CTNNA3: variants seen among roughly 807,000 people sequenced by gnomAD.
CTNNA3 encodes catenin alpha 3, also known as catenin alpha-3.
A neutral mutation model predicts 95.7 loss-of-function variants in CTNNA3; 76 were observed. That is an observed-to-expected ratio of 0.79 (90% confidence interval 0.66 to 0.96). The LOEUF is 0.96. Among genes scored for constraint, CTNNA3 ranks in the 40% least tolerant of loss-of-function variants. The pLI is 0.00. For synonymous variants in CTNNA3, 431 were observed against 374.4 expected, an observed-to-expected ratio of 1.15 and a Z score of -1.74; for missense variants, 1,191 against 1,089.8, an observed-to-expected ratio of 1.09 and a Z score of -1.31.
intron 11 of CTNNA3, among the ~76,000 whole-genome samples, chr10:66,431,153 C>G (rs1589239753): frequency 6.6e-6 from 1 of 152,092 alleles, no homozygotes. Flanking sequence ...AAATGCTCAT[C>G]ATCACTGGCC....
At chr10:67,466,545 A>G (rs972259634) in intron 5 of CTNNA3, among the ~76,000 whole-genome samples, 1 of 152,206 alleles carries the variant, frequency 6.6e-6, no homozygotes, top group Non-Finnish European at 1.5e-5. Flanking sequence ...TCTCCCTAGG[A>G]AGAATTTCAG....
chr10:67,479,362 TC>T (rs2133047878), intron 5 of CTNNA3, among the ~76,000 whole-genome samples: 1 of 152,108 alleles, frequency 6.6e-6, no homozygotes, highest in East Asian at 1.9e-4. Flanking sequence ...ATAAATCAAG[TC>T]TCAATAAGTT....
chr10:66,996,356 C>T (rs970547749), intron 7 of CTNNA3, among the ~76,000 whole-genome samples: 1 of 151,970 alleles, frequency 6.6e-6, no homozygotes, highest in Non-Finnish European at 1.5e-5. Flanking sequence ...TTTAATAATG[C>T]ATGTTTGGGC....
chr10:66,625,113 A>C (rs1174760477), intron 9 of CTNNA3, among the ~76,000 whole-genome samples: 1 of 152,194 alleles, frequency 6.6e-6, no homozygotes. Flanking sequence ...TTAAAAACAA[A>C]CAAGAAGTCT....
intron 7 of CTNNA3, among the ~76,000 whole-genome samples, chr10:67,169,616 T>C (rs1338478459): frequency 6.6e-6 from 1 of 152,068 alleles, no homozygotes; most frequent in Non-Finnish European, 1.5e-5. Flanking sequence ...TTACACCATA[T>C]ACAAAAATCA....
At chr10:66,443,949 C>T (rs558208906) in intron 11 of CTNNA3, among the ~76,000 whole-genome samples, 3 of 152,110 alleles carry the variant, frequency 2.0e-5, no homozygotes, top group South Asian at 4.1e-4. Context: ...GAATGGATAA[C>T]TAGAATAACC....
At chr10:66,727,869 T>C (rs1424557441) in intron 9 of CTNNA3, among the ~76,000 whole-genome samples, 2 of 152,180 alleles carry the variant, frequency 1.3e-5, no homozygotes, top group East Asian at 1.9e-4. Context: ...TAAGGTTTTA[T>C]ACACAAATGT....
intron 8 of CTNNA3, among the ~76,000 whole-genome samples, chr10:66,775,126 T>C (rs915235013): frequency 5.9e-5 from 9 of 152,154 alleles, no homozygotes; most frequent in Non-Finnish European, 1.2e-4. Flanking sequence ...CCCTATTGCA[T>C]ATTATTAATT....
chr10:66,546,384 CATAATAATA>C (rs1842035681), intron 10 of CTNNA3, among the ~76,000 whole-genome samples: 1 of 152,090 alleles, frequency 6.6e-6, no homozygotes, highest in Non-Finnish European at 1.5e-5. Flanking sequence ...TCATAATAAT[CATAATAATA>C]AATGTATATT....
chr10:67,547,942 T>C (rs1271624765), intron 3 of CTNNA3, among the ~76,000 whole-genome samples: 1 of 152,232 alleles, frequency 6.6e-6, no homozygotes, highest in African/African-American at 2.4e-5. Context: ...ATTGTTAAGA[T>C]AGCAATACTC....
rs192385319 is a variant in CTNNA3 at position 66,559,830 on chromosome 10, T to C, written c.1375-39057A>G. ...TCCCACGCCACCCCCTTTTAAGCTCTTATAATACTACATAGTAATTCATTT... is the reference window on the plus strand; with the variant it reads ...TCCCACGCCACCCCCTTTTAAGCTCCTATAATACTACATAGTAATTCATTT... On this transcript the variant is annotated intron_variant, in intron 10 of 17. Transcript: ENST00000433211. 7.9e-5 allele frequency among the ~76,000 whole-genome samples: 12 copies of C among 152,210 alleles called. No individual in the cohort carries two copies. The East Asian group carries it at 1.9e-3, about 25-fold the overall frequency.
At chr10:67,245,804 G>A (rs1865882000) in intron 5 of CTNNA3, among the ~76,000 whole-genome samples, 2 of 147,756 alleles carry the variant, frequency 1.4e-5, no homozygotes, top group Non-Finnish European at 1.5e-5. Context: ...GCAGTGAGCC[G>A]AGATTGCACC....
Position 66,470,900 on chromosome 10 carries a change from T to G in CTNNA3, c.1531+49717A>C, listed in dbSNP as rs117213216. On this transcript the variant is annotated intron_variant, in intron 11 of 17. Transcript: ENST00000433211. The stretch of plus-strand genomic sequence containing the variant: ...GGACTAAAGTCTGAGCAAGACAATT[T>G]CAAGAAACTTGTACTGGAAGAAAAA... 1.4e-3 allele frequency among the ~76,000 whole-genome samples: 214 copies of G among 152,010 alleles called. 4 individuals carry two copies. In the East Asian group the frequency reaches 0.033, roughly 23 times the overall value.
chr10:66,981,271 G>T (rs2132881207), intron 7 of CTNNA3, among the ~76,000 whole-genome samples: 1 of 152,282 alleles, frequency 6.6e-6, no homozygotes, highest in South Asian at 2.1e-4. Flanking sequence ...TCCTAAAAAT[G>T]AATGATTACA....
At chr10:66,776,064 G>T (rs542727161) in intron 7 of CTNNA3, among the ~76,000 whole-genome samples, 1 of 152,134 alleles carries the variant, frequency 6.6e-6, no homozygotes, top group African/African-American at 2.4e-5. Flanking sequence ...AGAACTGGAC[G>T]CTGTTTTTGG....
intron 7 of CTNNA3, among the ~76,000 whole-genome samples, chr10:67,168,939 T>G (rs944513551): frequency 1.3e-5 from 2 of 152,156 alleles, no homozygotes; most frequent in African/African-American, 4.8e-5. Context: ...TTTAACAAAA[T>G]TTTAGTAAAC....
chr10:66,419,343 A>G (rs1245163126), intron 11 of CTNNA3, among the ~76,000 whole-genome samples: 1 of 152,110 alleles, frequency 6.6e-6, no homozygotes, highest in African/African-American at 2.4e-5. Context: ...ATGAGGTGAA[A>G]TATCTCTACA....
intron 13 of CTNNA3, among the ~76,000 whole-genome samples, chr10:66,110,719 C>T (rs1248516765): frequency 1.3e-5 from 2 of 152,108 alleles, no homozygotes; most frequent in African/African-American, 2.4e-5. Flanking sequence ...CTCAAGTTAA[C>T]TCAACTAACA....
chr10:66,876,730 G>T (rs577087306), intron 7 of CTNNA3, among the ~76,000 whole-genome samples: 2 of 151,898 alleles, frequency 1.3e-5, no homozygotes, highest in South Asian at 4.2e-4. Flanking sequence ...TTGCTGCCAG[G>T]TGTAAAGAAA....
Sources: gnomAD v4.1 joint callset for allele counts (sites outside exome capture counted in the v4.1 genomes callset) on GRCh38, gnomAD v4.1.1 for gene constraint, MANE v1.5 for transcripts, NCBI Gene and HGNC (gene_info 2026-07-23, HGNC 2026-07-21) for gene names.